EIF5A2: variants seen among roughly 807,000 people sequenced by gnomAD.
The protein encoded by EIF5A2 is eukaryotic translation initiation factor 5A-2.
EIF5A2 carries 15 observed loss-of-function variants against 16.4 expected under a neutral mutation model. The ratio of observed to expected loss-of-function variants is 0.92; its 90% CI spans 0.61 to 1.41. The LOEUF (loss-of-function observed/expected upper bound fraction) is 1.41, where lower values mean the gene tolerates loss of function less well. Among genes scored for constraint, EIF5A2 ranks in the 40% most tolerant of loss-of-function variants. The probability of loss-of-function intolerance (pLI) is 0.00; values close to 1 mark genes in which losing one functional copy is unlikely to be tolerated. For synonymous variants in EIF5A2, 48 were observed against 61.1 expected (o/e 0.79, Z 1.00); for missense variants, 144 against 189.5 (o/e 0.76, Z 1.41).
intron 3 of EIF5A2, among the ~76,000 whole-genome samples, chr3:170,903,031 T>C (rs1291967052): frequency 2.6e-5 from 4 of 152,138 alleles, no homozygotes; most frequent in Non-Finnish European, 5.9e-5. Flanking sequence ...AGTCTTGATA[T>C]GGCAGAAGAA....
chr3:170,893,570 T>C (rs1712586908), intron 4 of EIF5A2, 151 bp from the exon 5 acceptor site: 1 of 786,880 alleles, frequency 1.3e-6, no homozygotes, highest in Non-Finnish European at 1.9e-6. Flanking sequence ...CTTTACAGTT[T>C]TCTAAAGCAG....
intron 4 of EIF5A2, 79 bp from the exon 5 acceptor site, chr3:170,893,498 A>C (rs932194988): frequency 7.0e-7 from 1 of 1,432,950 alleles, no homozygotes; most frequent in Non-Finnish European, 9.6e-7. Context: ...CATATATTGT[A>C]TATTTGTGGA....
At chr3:170,894,984 C>A (rs1474958593) in intron 3 of EIF5A2, among the ~76,000 whole-genome samples, 1 of 148,768 alleles carries the variant, frequency 6.7e-6, no homozygotes, top group Admixed American at 6.7e-5. Flanking sequence ...CAAGATCGTG[C>A]CCCTGCACTC....
chr3:170,896,530 A>G (rs2108293138), intron 3 of EIF5A2, among the ~76,000 whole-genome samples: 1 of 152,296 alleles, frequency 6.6e-6, no homozygotes, highest in African/African-American at 2.4e-5. Context: ...AGTGTTTAGC[A>G]GTTCCCCCCT....
intron 4 of EIF5A2, 67 bp from the exon 5 acceptor site, chr3:170,893,486 C>T: frequency 6.6e-7 from 1 of 1,515,856 alleles, no homozygotes; most frequent in Non-Finnish European, 9.1e-7. Context: ...TAATTAGTTC[C>T]TCATATATTG....
chr3:170,892,617 C>G lies in EIF5A2; in HGVS notation c.*743G>C. The G allele has an allele frequency of 2.5e-6, 1 of 396,460 alleles. No individual in the cohort carries two copies. The allele number at this position is 396,460 out of a possible 1,614,324, so 24.6% of individuals were successfully genotyped here. On this transcript the variant is annotated 3_prime_UTR_variant, in exon 5 of 5. Transcript: ENST00000295822. ...AACTTTTCATTTTTATGCTGACTTACAAAGTCCTCACATAAAAACTTATAG... is the reference window on the plus strand; with the variant it reads ...AACTTTTCATTTTTATGCTGACTTAGAAAGTCCTCACATAAAAACTTATAG...
At chr3:170,903,877 C>T (rs1712870394) in intron 3 of EIF5A2, among the ~76,000 whole-genome samples, 2 of 152,196 alleles carry the variant, frequency 1.3e-5, no homozygotes, top group African/African-American at 4.8e-5. Flanking sequence ...TGGCAATTCA[C>T]TAATAATCCA....
intron 3 of EIF5A2, among the ~76,000 whole-genome samples, chr3:170,902,607 C>CTT (rs1178996738): frequency 2.2e-4 from 23 of 102,226 alleles, no homozygotes; most frequent in Non-Finnish European, 3.0e-4. Context: ...AGAAGCCTTC[C>CTT]TTTTTTTTTT....
In EIF5A2 at chr3:170,893,226, C is replaced by T; in HGVS notation, c.*134G>A. ...ATTATCAATTGCTTGCAAAACTAAC[C>T]CAGCACAATCTGAAAACAATTAAAA... On this transcript the variant is annotated 3_prime_UTR_variant, in exon 5 of 5. Coordinates refer to ENST00000295822, the MANE Select transcript of EIF5A2 (RefSeq NM_020390.6). 1 of 778,822 alleles carries T rather than the reference C, an allele frequency of 1.3e-6. No individual in the cohort carries two copies. The highest frequency in any genetic ancestry group is 1.9e-6 in the Non-Finnish European group (1 of 534,774). 48.2% of individuals were successfully genotyped at this position (778,822 alleles called of 1,614,324 possible).
At position 170,892,596 on chromosome 3, in the gene EIF5A2, T is replaced by G; in HGVS notation, c.*764A>C. 2.5e-6 allele frequency: 1 copy of G among 395,814 alleles called. No homozygotes were observed. Among genetic ancestry groups the G allele is most frequent in the East Asian group, 3.6e-5 (1 of 27,948 alleles). 24.5% of individuals were successfully genotyped at this position (395,814 alleles called of 1,614,324 possible). On this transcript the variant is annotated 3_prime_UTR_variant, in exon 5 of 5. Coordinates refer to ENST00000295822, the MANE Select transcript of EIF5A2 (RefSeq NM_020390.6). ...AAGCAAAAACAACTGAGAAACAACT[T>G]TTCATTTTTATGCTGACTTACAAAG... is the stretch of plus-strand genomic sequence containing the variant.
chr3:170,897,118 C>G (rs979168109), intron 3 of EIF5A2, among the ~76,000 whole-genome samples: 1 of 152,084 alleles, frequency 6.6e-6, no homozygotes, highest in African/African-American at 2.4e-5. Context: ...GGTAACCTGG[C>G]TTTTTTTGAA....
intron 3 of EIF5A2, among the ~76,000 whole-genome samples, chr3:170,904,302 GT>G (rs1242166437): frequency 6.6e-6 from 1 of 152,104 alleles, no homozygotes; most frequent in Non-Finnish European, 1.5e-5. Flanking sequence ...TTTGTTTCCT[GT>G]TTACTTTTTA....
At chr3:170,894,478 A>G in intron 3 of EIF5A2, 55 bp from the exon 4 acceptor site, 1 of 1,534,144 alleles carries the variant, frequency 6.5e-7, no homozygotes, top group Non-Finnish European at 9.0e-7. Context: ...ACTTCTGTGT[A>G]ATGCTTACAT....
At chr3:170,904,901 A>ACTT (rs1712899565) in intron 3 of EIF5A2, among the ~76,000 whole-genome samples, 1 of 152,224 alleles carries the variant, frequency 6.6e-6, no homozygotes, top group Non-Finnish European at 1.5e-5. Flanking sequence ...AAGAAATGGA[A>ACTT]GCAAAACAGG....
chr3:170,902,371 TGA>T (rs1484024381), intron 3 of EIF5A2, among the ~76,000 whole-genome samples: 12 of 151,080 alleles, frequency 7.9e-5, no homozygotes, highest in African/African-American at 2.7e-4. Flanking sequence ...GCACTGATTA[TGA>T]GCTAATGTGT....
At chr3:170,908,314 G>A (rs576545544) in intron 1 of EIF5A2, among the ~76,000 whole-genome samples, 9 of 152,288 alleles carry the variant, frequency 5.9e-5, no homozygotes, top group African/African-American at 2.2e-4. Context: ...CGTCGCCGCC[G>A]CGGCCGCACA....
chr3:170,890,957 T>C lies in EIF5A2; in HGVS notation c.*2403A>G, dbSNP rs1287727094. The C allele has an allele frequency of 2.0e-5, 3 of 152,634 alleles. No homozygotes were observed. Among genetic ancestry groups the C allele is most frequent in the Non-Finnish European group, 4.4e-5 (3 of 67,994 alleles). 9.5% of individuals were successfully genotyped at this position (152,634 alleles called of 1,614,324 possible). Reference sequence around the variant, plus strand: ...TAAAGTCCCATATCTTTAAAATCTATACTTATATATCGAGTATTTACACTT... The same window carrying C: ...TAAAGTCCCATATCTTTAAAATCTACACTTATATATCGAGTATTTACACTT... On this transcript the variant is annotated 3_prime_UTR_variant, in exon 5 of 5. Coordinates refer to ENST00000295822, the MANE Select transcript of EIF5A2 (RefSeq NM_020390.6).
chr3:170,892,869 AT>A lies in EIF5A2; in HGVS notation c.*490del, dbSNP rs1712570161. The A allele has an allele frequency of 1.0e-5, 4 of 398,948 alleles. No individual in the cohort carries two copies. In the South Asian group the frequency reaches 5.1e-4, roughly 51 times the overall value. 24.7% of individuals were successfully genotyped at this position (398,948 alleles called of 1,614,324 possible). ...ATAACTGACAGTTTTTGATAACATGATTTTTGTTTAAGGATTTGTGTTTGCC... is the reference window on the plus strand; with the variant it reads ...ATAACTGACAGTTTTTGATAACATGATTTTGTTTAAGGATTTGTGTTTGCC... On this transcript the variant is annotated 3_prime_UTR_variant, in exon 5 of 5. Transcript: ENST00000295822.
At chr3:170,894,786 G>A (rs1423117677) in intron 3 of EIF5A2, among the ~76,000 whole-genome samples, 3 of 150,924 alleles carry the variant, frequency 2.0e-5, no homozygotes, top group African/African-American at 7.3e-5. Flanking sequence ...CAGCACTTTG[G>A]GAGGCCGAGG....
Sources: allele counts gnomAD v4.1 joint callset (sites outside exome capture counted in the v4.1 genomes callset), GRCh38; gene constraint gnomAD v4.1.1; transcripts MANE v1.5; gene names NCBI Gene and HGNC (gene_info 2026-07-23, HGNC 2026-07-21).